Variants in ATXN1 observed in about 807,000 individuals in gnomAD.
ATXN1 encodes ataxin 1, also known as ataxin-1.
A neutral mutation model predicts 56.4 loss-of-function variants in ATXN1; 8 were observed. The ratio of observed to expected loss-of-function variants is 0.14; its 90% confidence interval spans 0.08 to 0.26. ATXN1 has a LOEUF of 0.26. ATXN1 is among the 10% of genes least tolerant of loss of function. The probability of loss-of-function intolerance (pLI) is 1.00; values close to 1 mark genes in which losing one functional copy is unlikely to be tolerated. For missense variants in ATXN1, 987 were observed against 1,106.5 expected (o/e 0.89, Z 1.53); for synonymous variants, 514 against 494.6 (o/e 1.04, Z -0.52).
chr6:16,586,749 G>A (rs1762633000), intron 3 of ATXN1, among the ~76,000 whole-genome samples: 1 of 152,154 alleles, frequency 6.6e-6, no homozygotes, highest in Non-Finnish European at 1.5e-5. Context: ...GCTGGGGCAT[G>A]GTGGCTCATG....
At chr6:16,576,381 C>G (rs1273828224) in intron 4 of ATXN1, among the ~76,000 whole-genome samples, 1 of 152,214 alleles carries the variant, frequency 6.6e-6, no homozygotes, top group Non-Finnish European at 1.5e-5. Context: ...AAATTACACT[C>G]TGCAACATTC....
intron 3 of ATXN1, among the ~76,000 whole-genome samples, chr6:16,649,018 C>T (rs185966465): frequency 1.7e-4 from 26 of 151,886 alleles, no homozygotes; most frequent in African/African-American, 6.0e-4. Context: ...TCCCCGATAT[C>T]AAAATATTAT....
At chr6:16,402,905 T>A (rs1474231329) in intron 6 of ATXN1, among the ~76,000 whole-genome samples, 1 of 152,190 alleles carries the variant, frequency 6.6e-6, no homozygotes, top group African/African-American at 2.4e-5. Context: ...TTATCTTAAC[T>A]CCACAGAAAA....
rs557484326 is a variant in ATXN1, at chr6:16,618,529, G to A, written c.-488-32622C>T. On this transcript the variant is annotated intron_variant, in intron 3 of 7. Coordinates refer to ENST00000436367, the MANE Select transcript of ATXN1 (RefSeq NM_001128164.2). Reference sequence around the variant, plus strand: ...ATGGATCACCTGAGGTCACGAGTTCGTGACCAGCCTGGCCAACATGGCGAA... The same window carrying A: ...ATGGATCACCTGAGGTCACGAGTTCATGACCAGCCTGGCCAACATGGCGAA... Among the ~76,000 whole-genome samples, 38 of 152,278 alleles carry A rather than the reference G, an allele frequency of 2.5e-4. No individual in the cohort carries two copies. The South Asian group carries it at 6.0e-3, about 24-fold the overall frequency.
intron 6 of ATXN1, among the ~76,000 whole-genome samples, chr6:16,357,293 G>A (rs1282906114): frequency 1.4e-5 from 2 of 144,724 alleles, no homozygotes; most frequent in South Asian, 2.2e-4. Context: ...TTTTTGAGAC[G>A]CAGTCTCACT....
chr6:16,487,091 A>G (rs1445395850), intron 5 of ATXN1, among the ~76,000 whole-genome samples: 1 of 152,162 alleles, frequency 6.6e-6, no homozygotes, highest in African/African-American at 2.4e-5. Flanking sequence ...TCCTGGAACG[A>G]TACTATCAAC....
At chr6:16,535,414 G>C (rs1286725067) in intron 4 of ATXN1, among the ~76,000 whole-genome samples, 2 of 152,114 alleles carry the variant, frequency 1.3e-5, no homozygotes, top group African/African-American at 4.8e-5. Flanking sequence ...CACAGTGATG[G>C]GGGCATATAA....
intron 3 of ATXN1, among the ~76,000 whole-genome samples, chr6:16,595,230 C>T (rs1392123695): frequency 4.6e-5 from 7 of 152,108 alleles, no homozygotes; most frequent in East Asian, 1.9e-4. Flanking sequence ...ATAGCAAAAT[C>T]GAAAAACTTT....
intron 6 of ATXN1, among the ~76,000 whole-genome samples, chr6:16,482,809 C>T (rs1030875776): frequency 1.3e-5 from 2 of 152,002 alleles, no homozygotes; most frequent in African/African-American, 4.8e-5. Flanking sequence ...TTTCTTTTAA[C>T]CCTAAGACTG....
chr6:16,477,122 A>G (rs1760341518), intron 6 of ATXN1, among the ~76,000 whole-genome samples: 2 of 152,214 alleles, frequency 1.3e-5, no homozygotes, highest in Non-Finnish European at 2.9e-5. Flanking sequence ...ATTTCCTTGC[A>G]AAGACCCACC....
chr6:16,367,804 TG>T (rs1005135102), intron 6 of ATXN1, among the ~76,000 whole-genome samples: 6 of 151,514 alleles, frequency 4.0e-5, no homozygotes, highest in African/African-American at 1.5e-4. Context: ...AACAAAAATG[TG>T]GTATGGTTCC....
intron 2 of ATXN1, among the ~76,000 whole-genome samples, chr6:16,683,297 C>G (rs528150098): frequency 6.6e-6 from 1 of 152,316 alleles, no homozygotes; most frequent in Admixed American, 6.5e-5. Flanking sequence ...AATGGGCCAG[C>G]ACACAGCTGC....
intron 7 of ATXN1, among the ~76,000 whole-genome samples, chr6:16,316,840 A>AG (rs1303137861): frequency 1.4e-5 from 2 of 147,594 alleles, no homozygotes; most frequent in South Asian, 4.3e-4. Context: ...AGTGGACAAC[A>AG]GGGGGCAATA....
chr6:16,336,080 C>A (rs748099580), intron 6 of ATXN1, among the ~76,000 whole-genome samples: 14 of 152,164 alleles, frequency 9.2e-5, no homozygotes, highest in Non-Finnish European at 1.9e-4. Context: ...ATTATACATG[C>A]CAAGAACCTT....
At chr6:16,383,415 A>T (rs1158848708) in intron 6 of ATXN1, among the ~76,000 whole-genome samples, 2 of 152,216 alleles carry the variant, frequency 1.3e-5, no homozygotes, top group Non-Finnish European at 2.9e-5. Context: ...TATAAAACTT[A>T]GTCTTTCACG....
chr6:16,441,143 C>T (rs564045752), intron 6 of ATXN1, among the ~76,000 whole-genome samples: 9 of 152,250 alleles, frequency 5.9e-5, no homozygotes, highest in African/African-American at 1.7e-4. Context: ...TTAGGTGTTA[C>T]GGAGCCAGGG....
chr6:16,328,124 C>T lies in ATXN1; in HGVS notation c.187G>A (p.Ala63Thr), dbSNP rs1195602589. 5 of 1,587,872 alleles carry T rather than the reference C, an allele frequency of 3.1e-6. No individual in the cohort carries two copies. Among genetic ancestry groups the T allele is most frequent in the Non-Finnish European group, 4.3e-6 (5 of 1,163,642 alleles). ...RGHGGGRHGP[A>T]GTSVELGLQQ... Reference sequence around the variant, plus strand: ...AAACCAAGCTCCACCGAGGTCCCTGCCGGCCCATGCCTCCCGCCCCCGTGG... The same window carrying T: ...AAACCAAGCTCCACCGAGGTCCCTGTCGGCCCATGCCTCCCGCCCCCGTGG... Residue 63 changes from alanine to threonine, a missense_variant, in exon 7 of 8, where the codon GCA becomes ACA. By Grantham distance (58) the Ala-to-Thr change is moderately conservative (BLOSUM62 0). Coordinates refer to ENST00000436367, the MANE Select transcript of ATXN1 (RefSeq NM_001128164.2). This position sits in a 1 kb window ranked among gnomAD's most constrained non-coding sequence, Gnocchi z 6.2.
At chr6:16,489,731 T>C (rs1581796542) in intron 5 of ATXN1, among the ~76,000 whole-genome samples, 1 of 152,062 alleles carries the variant, frequency 6.6e-6, no homozygotes, top group South Asian at 2.1e-4. Context: ...GGCAGGAAGG[T>C]GGCTTGAGCT....
intron 7 of ATXN1, among the ~76,000 whole-genome samples, chr6:16,315,568 C>A (rs1196701168): frequency 6.6e-6 from 1 of 152,168 alleles, no homozygotes; most frequent in East Asian, 1.9e-4. Context: ...CATTTGGAAT[C>A]TTTTTTGCCT....
Sources: gnomAD v4.1 joint callset for allele counts (sites outside exome capture counted in the v4.1 genomes callset) on GRCh38, gnomAD v4.1.1 for gene constraint, Gnocchi (gnomAD v3.1) non-coding constraint, MANE v1.5 for transcripts, NCBI Gene and HGNC (gene_info 2026-07-23, HGNC 2026-07-21) for gene names.